The following BLK variants were observed in gnomAD, a reference collection of about 807,000 sequenced individuals.
BLK encodes BLK proto-oncogene, Src family tyrosine kinase.
Under a neutral mutation model 61.8 loss-of-function variants are expected in BLK, and 64 were observed. That is an observed-to-expected ratio of 1.03 (90% CI 0.85 to 1.27). The LOEUF (loss-of-function observed/expected upper bound fraction) is 1.27, where lower values mean the gene tolerates loss of function less well. BLK is among the 50% of genes most tolerant of loss of function. BLK has a pLI of 0.00. For synonymous variants in BLK, 351 were observed against 272.0 expected (o/e 1.29, Z -2.86); for missense variants, 853 against 660.5 (o/e 1.29, Z -3.19).
chr8:11,499,777 G>C (rs987562414), intron 1 of BLK, among the ~76,000 whole-genome samples: 2 of 152,126 alleles, frequency 1.3e-5, no homozygotes, highest in African/African-American at 4.8e-5. Context: ...AGGACACTTA[G>C]AACCCAATTT....
chr8:11,562,836 C>G, intron 11 of BLK, 143 bp from the exon 12 acceptor site: 1 of 1,089,278 alleles, frequency 9.2e-7, no homozygotes, highest in Non-Finnish European at 1.3e-6. Flanking sequence ...TAGTGGCTCC[C>G]CCGCCATGCC....
chr8:11,551,601 C>G (rs1452229424), intron 6 of BLK, among the ~76,000 whole-genome samples: 1 of 152,166 alleles, frequency 6.6e-6, no homozygotes, highest in African/African-American at 2.4e-5. Context: ...GGATGGTGAG[C>G]CTGTTCATGT....
intron 6 of BLK, chr8:11,552,422 G>C (rs972603848): frequency 1.3e-5 from 2 of 152,146 alleles, no homozygotes; most frequent in African/African-American, 2.4e-5. Flanking sequence ...ATTCATATTG[G>C]ATATTGTCAC....
intron 1 of BLK, among the ~76,000 whole-genome samples, chr8:11,525,326 T>C (rs79079887): frequency 0.02 from 3,074 of 152,328 alleles, 97 homozygotes; most frequent in African/African-American, 0.07. Flanking sequence ...AAAGTCCTCT[T>C]ATCCCTTTGT....
At chr8:11,550,312 G>A (rs754947956) in intron 6 of BLK, 50 bp downstream of exon 6, 1 of 1,574,394 alleles carries the variant, frequency 6.4e-7, no homozygotes, top group South Asian at 1.1e-5. Flanking sequence ...CTCCCGGGAA[G>A]GCGCCTCCAG....
chr8:11,537,327 T>C lies in BLK; in HGVS notation c.-1-5897T>C, dbSNP rs117337573. Among the ~76,000 whole-genome samples, 302 of 152,286 alleles carry C rather than the reference T, an allele frequency of 2.0e-3. 1 individual carries two copies. The highest frequency in any genetic ancestry group is 3.2e-3 in the Non-Finnish European group (221 of 68,020). ...CCATATGGGATCTCATGCCGGCAGC[T>C]AGCATGGCATTGTGATCGCGACACC... On this transcript the variant is annotated intron_variant, in intron 1 of 12. Transcript: ENST00000259089.
chr8:11,519,512 A>G, intron 1 of BLK, among the ~76,000 whole-genome samples: 1 of 152,234 alleles, frequency 6.6e-6, no homozygotes, highest in East Asian at 1.9e-4. Context: ...ATTAGCTTGA[A>G]TGACATTAAA....
intron 1 of BLK, among the ~76,000 whole-genome samples, chr8:11,537,370 T>C (rs1800176337): frequency 6.6e-6 from 1 of 152,142 alleles, no homozygotes; most frequent in African/African-American, 2.4e-5. Context: ...AGTCCCAGCT[T>C]TGCCAGTAGG....
chr8:11,528,101 ATCTCAGC>A (rs1799740691), intron 1 of BLK, among the ~76,000 whole-genome samples: 1 of 152,138 alleles, frequency 6.6e-6, no homozygotes, highest in Non-Finnish European at 1.5e-5. Context: ...CAATGGCGTG[ATCTCAGC>A]TCACTGCAAT....
chr8:11,550,329 G>A (rs535804924), intron 6 of BLK, 67 bp downstream of exon 6: 1 of 1,477,854 alleles, frequency 6.8e-7, no homozygotes, highest in South Asian at 1.1e-5. Context: ...CCAGAGGCCT[G>A]GCCCTGGAGT....
rs763868640 is a variant in BLK, at chr8:11,563,091, T to C, written c.1293T>C (p.Tyr431=). 1.3e-5 allele frequency: 21 copies of C among 1,613,998 alleles called. No individual in the cohort carries two copies. The highest frequency in any genetic ancestry group is 1.1e-4 in the South Asian group (10 of 91,084). Residue 431 remains tyrosine (Y), a synonymous_variant, in exon 12 of 13, where the codon TAT becomes TAC. Transcript: ENST00000259089. The part of the protein sequence containing the change: ...FGVLLMEVVT[Y]GRVPYPGMSN... ...TCCTCCTGATGGAAGTTGTCACTTATGGGCGGGTGCCATACCCAGGTAGGT... is the reference window on the plus strand; with the variant it reads ...TCCTCCTGATGGAAGTTGTCACTTACGGGCGGGTGCCATACCCAGGTAGGT...
chr8:11,502,218 A>T (rs533264100), intron 1 of BLK, among the ~76,000 whole-genome samples: 3 of 152,360 alleles, frequency 2.0e-5, no homozygotes, highest in African/African-American at 7.2e-5. Context: ...CCTTTGTTTT[A>T]ATAGAATCCA....
chr8:11,496,895 C>T (rs1798380158), intron 1 of BLK, among the ~76,000 whole-genome samples: 1 of 152,136 alleles, frequency 6.6e-6, no homozygotes, highest in South Asian at 2.1e-4. Flanking sequence ...AGGGCCAGAT[C>T]CCATTTGAGT....
intron 1 of BLK, among the ~76,000 whole-genome samples, chr8:11,518,874 C>T (rs537270009): frequency 6.6e-6 from 1 of 152,318 alleles, no homozygotes; most frequent in Admixed American, 6.5e-5. Flanking sequence ...CGTCTCTCTG[C>T]TCTGCCCTCT....
intron 4 of BLK, 49 bp downstream of exon 4, chr8:11,548,174 C>T (rs202061540): frequency 4.7e-6 from 7 of 1,478,600 alleles, no homozygotes; most frequent in South Asian, 1.1e-5. Context: ...CCCCCTCCCC[C>T]ACATCTCTCC....
At chr8:11,529,677 A>T (rs909956648) in intron 1 of BLK, among the ~76,000 whole-genome samples, 3 of 152,172 alleles carry the variant, frequency 2.0e-5, no homozygotes, top group Admixed American at 6.5e-5. Context: ...TTCTTCTGGA[A>T]TGCGCTGTTA....
chr8:11,507,001 C>T (rs576550138), intron 1 of BLK, among the ~76,000 whole-genome samples: 1 of 152,342 alleles, frequency 6.6e-6, no homozygotes, highest in South Asian at 2.1e-4. Context: ...GTGAATGGTT[C>T]AGGTGCGGGT....
intron 5 of BLK, chr8:11,549,853 T>C (rs1585399669): frequency 1.5e-5 from 6 of 407,754 alleles, no homozygotes; most frequent in South Asian, 1.1e-4. Flanking sequence ...TACGCAGCTG[T>C]GCTTTGGAGA....
At chr8:11,504,151 G>C (rs1798670981) in intron 1 of BLK, among the ~76,000 whole-genome samples, 1 of 152,056 alleles carries the variant, frequency 6.6e-6, no homozygotes, top group South Asian at 2.1e-4. Context: ...TGGCGAAACT[G>C]TCTCTACTCA....
Sources: gnomAD v4.1 joint callset for allele counts (sites outside exome capture counted in the v4.1 genomes callset) on GRCh38, gnomAD v4.1.1 for gene constraint, MANE v1.5 for transcripts, NCBI Gene and HGNC (gene_info 2026-07-23, HGNC 2026-07-21) for gene names.